The following SLC4A1AP variants were observed in gnomAD, a reference collection of about 807,000 sequenced individuals.
SLC4A1AP encodes the protein solute carrier family 4 member 1 adaptor protein.
A neutral mutation model predicts 89.7 loss-of-function variants in SLC4A1AP; 64 were observed. That is an observed-to-expected ratio of 0.71 (90% CI 0.58 to 0.88). The LOEUF (loss-of-function observed/expected upper bound fraction) is 0.88. Ranked by LOEUF, SLC4A1AP falls within the 40% of genes least tolerant of loss-of-function variation. The pLI is 0.00. For synonymous variants in SLC4A1AP, 366 were observed against 353.3 expected, an observed-to-expected ratio of 1.04 and a Z score of -0.40; for missense variants, 931 against 965.0, an observed-to-expected ratio of 0.96 and a Z score of 0.47.
chr2:27,675,693 G>A lies in SLC4A1AP; in HGVS notation c.1506+1G>A. 6.4e-7 allele frequency: 1 copy of A among 1,559,954 alleles called. No homozygotes were observed. The highest frequency in any genetic ancestry group is 1.3e-5 in the South Asian group (1 of 79,124). The stretch of plus-strand genomic sequence containing the variant: ...GAAGCCAGAGACCTTTGAATCATTG[G>A]CAAGTTTTATTTATGGAAGTAGCTG... On this transcript the variant is annotated splice_donor_variant, in intron 6 of 13. Coordinates refer to ENST00000613058, the Ensembl canonical transcript of SLC4A1AP. LOFTEE classifies it high-confidence loss of function.
At chr2:27,668,717 T>C (rs1434280517) in intron 3 of SLC4A1AP, 126 bp from the exon 4 acceptor site, 2 of 881,488 alleles carry the variant, frequency 2.3e-6, no homozygotes, top group Non-Finnish European at 3.8e-6. Flanking sequence ...CCCAAAGTGT[T>C]AGGATTACAG....
At chr2:27,668,709 C>A in intron 3 of SLC4A1AP, 134 bp from the exon 4 acceptor site, 1 of 840,254 alleles carries the variant, frequency 1.2e-6, no homozygotes, top group South Asian at 1.4e-5. Flanking sequence ...CTCAGCCTCC[C>A]AAAGTGTTAG....
chr2:27,693,166 A>T (rs1675816169), intron 12 of SLC4A1AP: 1 of 148,512 alleles, frequency 6.7e-6, no homozygotes, highest in African/African-American at 2.6e-5. Flanking sequence ...TCCTGACCTC[A>T]GGTGATCCAC....
intron 8 of SLC4A1AP, among the ~76,000 whole-genome samples, chr2:27,681,428 G>A (rs1479295620): frequency 6.6e-6 from 1 of 152,082 alleles, no homozygotes; most frequent in Non-Finnish European, 1.5e-5. Context: ...ACTGTGAGTC[G>A]AATGCCATTA....
chr2:27,664,298 C>G (rs765503277), exon 1 of SLC4A1AP: 4 of 1,614,220 alleles, frequency 2.5e-6, no homozygotes, highest in Middle Eastern at 1.6e-4. Context: ...GCACCCGTAG[C>G]TTGAAAGGGA....
chr2:27,683,838 C>T lies in SLC4A1AP; in HGVS notation c.1876-1199C>T, dbSNP rs1159075826. 5.3e-5 allele frequency among the ~76,000 whole-genome samples: 8 copies of T among 152,138 alleles called. No individual in the cohort carries two copies. The South Asian group carries it at 8.3e-4, about 16-fold the overall frequency. On this transcript the variant is annotated intron_variant, in intron 9 of 13. Coordinates refer to ENST00000613058, the Ensembl canonical transcript of SLC4A1AP. Reference sequence around the variant, plus strand: ...GCAACCTCCTCCTCCCGGGTTCAAGCGATTCTCCTGCCTCAGCTTCCCGAG... The same window carrying T: ...GCAACCTCCTCCTCCCGGGTTCAAGTGATTCTCCTGCCTCAGCTTCCCGAG...
chr2:27,687,053 C>T (rs566166940), intron 10 of SLC4A1AP, among the ~76,000 whole-genome samples: 2 of 152,224 alleles, frequency 1.3e-5, no homozygotes, highest in African/African-American at 2.4e-5. Context: ...ATCCTCTCAC[C>T]TCAGCCTCCC....
intron 8 of SLC4A1AP, among the ~76,000 whole-genome samples, chr2:27,679,194 A>G (rs1675573729): frequency 6.6e-6 from 1 of 152,206 alleles, no homozygotes; most frequent in Non-Finnish European, 1.5e-5. Flanking sequence ...CCTTTGATCT[A>G]TTTCATTTCT....
chr2:27,664,405 C>G, exon 1 of SLC4A1AP: 2 of 1,614,242 alleles, frequency 1.2e-6, no homozygotes, highest in Non-Finnish European at 1.7e-6. Context: ...CACAGGGCGT[C>G]CGGCCCTGAC....
At chr2:27,666,971 A>G (rs1471800416) in intron 2 of SLC4A1AP, among the ~76,000 whole-genome samples, 2 of 151,690 alleles carry the variant, frequency 1.3e-5, no homozygotes, top group Non-Finnish European at 2.9e-5. Flanking sequence ...AGGTTCAAGC[A>G]ATTCTCCTGC....
At chr2:27,670,197 C>T (rs571700392) in intron 5 of SLC4A1AP, among the ~76,000 whole-genome samples, 270 of 151,668 alleles carry the variant, frequency 1.8e-3, no homozygotes, top group Non-Finnish European at 2.9e-3. Flanking sequence ...GAGGTTTCAC[C>T]GTGTTGACCA....
intron 5 of SLC4A1AP, among the ~76,000 whole-genome samples, chr2:27,671,800 A>G (rs966055163): frequency 6.6e-6 from 1 of 152,188 alleles, no homozygotes; most frequent in Non-Finnish European, 1.5e-5. Flanking sequence ...TGAATTTCAC[A>G]TCTTTCCTTT....
At chr2:27,681,633 C>G (rs1675621293) in intron 8 of SLC4A1AP, among the ~76,000 whole-genome samples, 1 of 152,054 alleles carries the variant, frequency 6.6e-6, no homozygotes, top group Admixed American at 6.5e-5. Context: ...CTGTTCTCCC[C>G]CTGCCTTTCT....
intron 12 of SLC4A1AP, chr2:27,692,540 T>G (rs1487181125): frequency 2.0e-5 from 3 of 152,214 alleles, no homozygotes; most frequent in Non-Finnish European, 4.4e-5. Flanking sequence ...GTCCAGTGTT[T>G]GTTGACTTTC....
chr2:27,690,919 T>C (rs756211277), intron 12 of SLC4A1AP, among the ~76,000 whole-genome samples: 4 of 152,216 alleles, frequency 2.6e-5, no homozygotes, highest in East Asian at 1.9e-4. Flanking sequence ...TTTTCTGATA[T>C]GCTGTTGGAT....
intron 9 of SLC4A1AP, among the ~76,000 whole-genome samples, chr2:27,682,618 G>A (rs1332973644): frequency 1.3e-5 from 2 of 150,350 alleles, no homozygotes; most frequent in African/African-American, 2.5e-5. Flanking sequence ...TCCGCCTCCC[G>A]GGTTCAAGCA....
intron 6 of SLC4A1AP, among the ~76,000 whole-genome samples, 180 bp from the exon 7 acceptor site, chr2:27,677,115 G>A (rs1675536249): frequency 6.6e-6 from 1 of 151,940 alleles, no homozygotes; most frequent in African/African-American, 2.4e-5. Context: ...CTCTACCCTG[G>A]CAACAGAATG....
chr2:27,665,021 C>A, intron 1 of SLC4A1AP, 79 bp from the exon 2 acceptor site: 1 of 1,148,648 alleles, frequency 8.7e-7, no homozygotes, highest in Non-Finnish European at 1.2e-6. Flanking sequence ...ACAGCCACTG[C>A]ACTCCAGTCC....
At chr2:27,688,174 A>T (rs1675735229) in intron 11 of SLC4A1AP, among the ~76,000 whole-genome samples, 154 bp downstream of exon 11, 1 of 152,102 alleles carries the variant, frequency 6.6e-6, no homozygotes, top group South Asian at 2.1e-4. Flanking sequence ...AACATAAGAG[A>T]GGTTTGTATT....
Sources: gnomAD v4.1 joint callset for allele counts (sites outside exome capture counted in the v4.1 genomes callset) on GRCh38, gnomAD v4.1.1 for gene constraint, MANE v1.5 for transcripts, NCBI Gene and HGNC (gene_info 2026-07-23, HGNC 2026-07-21) for gene names.